The following SKIC8 variants were observed in gnomAD, a reference collection of about 807,000 sequenced individuals.
The protein encoded by SKIC8 is SKI8 subunit of superkiller complex, also known as superkiller complex protein 8.
the SKIC8 span, chr15:78,293,128 C>T: frequency 4.4e-6 from 7 of 1,577,956 alleles, no homozygotes; most frequent in East Asian, 1.1e-4. Context: ...CCTCAGCCCC[C>T]AATTTTCCAA....
the SKIC8 span, chr15:78,294,333 T>C: frequency 1.3e-5 from 2 of 152,496 alleles, no homozygotes; most frequent in Admixed American, 6.5e-5. Context: ...GAGGCTATAG[T>C]GAAGAAATGA....
the SKIC8 span, chr15:78,286,249 T>C: frequency 2.4e-6 from 2 of 832,124 alleles, no homozygotes; most frequent in Non-Finnish European, 3.8e-6. Context: ...GCTATCCTTA[T>C]AATGACCATG....
At chr15:78,284,547 C>T in the SKIC8 span, 3 of 152,182 alleles carry the variant, frequency 2.0e-5, no homozygotes, top group Non-Finnish European at 4.4e-5. Flanking sequence ...GGACCAGCAG[C>T]CTTGGCCTCA....
the SKIC8 span, among the ~76,000 whole-genome samples, chr15:78,287,630 G>A: frequency 6.6e-6 from 1 of 152,334 alleles, no homozygotes; most frequent in East Asian, 1.9e-4. Flanking sequence ...GCTGACCATA[G>A]CACCGAGTCA....
At chr15:78,293,210 C>G in the SKIC8 span, 1 of 1,614,162 alleles carries the variant, frequency 6.2e-7, no homozygotes, top group East Asian at 2.2e-5. Context: ...CCTGTGACCA[C>G]TGTCTCAGAG....
chr15:78,283,647 T>C, the SKIC8 span: 1 of 701,152 alleles, frequency 1.4e-6, no homozygotes. Context: ...TCTTGTACTT[T>C]CTAAATCAGT....
the SKIC8 span, chr15:78,295,057 T>C: frequency 1.3e-5 from 20 of 1,522,342 alleles, no homozygotes; most frequent in Non-Finnish European, 1.7e-5. Flanking sequence ...CCTCCCCGAG[T>C]AGACAGAGTC....
chr15:78,289,058 G>T, the SKIC8 span: 1 of 351,846 alleles, frequency 2.8e-6, no homozygotes, highest in African/African-American at 2.2e-5. Flanking sequence ...TAAATAAAAA[G>T]TAAGTCTGTT....
At chr15:78,283,641 G>T in the SKIC8 span, 3 of 720,020 alleles carry the variant, frequency 4.2e-6, no homozygotes, top group Admixed American at 2.9e-5. Flanking sequence ...GGATGTTCTT[G>T]TACTTTCTAA....
chr15:78,297,781 T>C, the SKIC8 span, among the ~76,000 whole-genome samples: 6 of 152,176 alleles, frequency 3.9e-5, no homozygotes, highest in African/African-American at 1.2e-4. Context: ...GACCACACAG[T>C]TAAGGCATCC....
chr15:78,289,288 C>CT, the SKIC8 span, among the ~76,000 whole-genome samples: 1 of 152,150 alleles, frequency 6.6e-6, no homozygotes, highest in Non-Finnish European at 1.5e-5. Flanking sequence ...TGGTGTGCAC[C>CT]TGTAGTCCCA....
the SKIC8 span, chr15:78,285,031 A>G: frequency 3.8e-6 from 2 of 527,400 alleles, no homozygotes; most frequent in Non-Finnish European, 6.8e-6. Flanking sequence ...TTTCCAGCCT[A>G]TGTGGGGATA....
chr15:78,299,076 C>G, the SKIC8 span, among the ~76,000 whole-genome samples: 1 of 152,192 alleles, frequency 6.6e-6, no homozygotes, highest in African/African-American at 2.4e-5. Context: ...CCAAGGAACA[C>G]TACAGATGCC....
At chr15:78,283,360 C>T in the SKIC8 span, 1 of 1,238,042 alleles carries the variant, frequency 8.1e-7, no homozygotes, top group East Asian at 2.4e-5. Flanking sequence ...TTTAAACAAG[C>T]CTAAGAAGGT....
the SKIC8 span, chr15:78,294,501 G>A: frequency 1.7e-5 from 3 of 173,446 alleles, no homozygotes; most frequent in Non-Finnish European, 3.7e-5. Context: ...CCATGCACTC[G>A]GTGGCCTCAA....
the SKIC8 span, chr15:78,292,692 G>A: frequency 1.2e-6 from 2 of 1,614,198 alleles, no homozygotes. Context: ...CAAGAGAGCT[G>A]GATGCAGCAA....
chr15:78,292,409 T>C, the SKIC8 span: 13 of 570,138 alleles, frequency 2.3e-5, no homozygotes, highest in African/African-American at 2.2e-4. Context: ...AGTGTAAACA[T>C]TCATGTTTAC....
chr15:78,286,545 C>T, the SKIC8 span: 1 of 168,738 alleles, frequency 5.9e-6, no homozygotes, highest in Non-Finnish European at 1.3e-5. Context: ...CGTATGGGGC[C>T]AGTGCTCCCA....
chr15:78,289,757 G>T, the SKIC8 span: 2 of 1,582,022 alleles, frequency 1.3e-6, no homozygotes, highest in Non-Finnish European at 1.7e-6. Flanking sequence ...CAGACTCCGT[G>T]TTGTTAAGCT....
Sources: allele counts gnomAD v4.1 joint callset (sites outside exome capture counted in the v4.1 genomes callset), GRCh38; gene constraint gnomAD v4.1.1; transcripts MANE v1.5; gene names NCBI Gene and HGNC (gene_info 2026-07-23, HGNC 2026-07-21).